Variants in CPVL observed in about 807,000 individuals in gnomAD.
CPVL encodes probable serine carboxypeptidase CPVL.
A neutral mutation model predicts 63.7 loss-of-function variants in CPVL; 51 were observed. The observed-to-expected ratio is 0.80, with a 90% confidence interval of 0.64 to 1.01. The LOEUF (loss-of-function observed/expected upper bound fraction) is 1.01. Among genes scored for constraint, CPVL ranks in the 50% least tolerant of loss-of-function variants. The pLI, the probability that CPVL is intolerant of heterozygous loss-of-function variation, is 0.00. For synonymous variants in CPVL, 195 were observed against 206.0 expected, an observed-to-expected ratio of 0.95 and a Z score of 0.46; for missense variants, 530 against 573.1, an observed-to-expected ratio of 0.92 and a Z score of 0.77.
intron 1 of CPVL, among the ~76,000 whole-genome samples, chr7:29,142,657 T>C (rs7777627): frequency 0.36 from 54,894 of 151,156 alleles, 10,027 homozygotes; most frequent in Non-Finnish European, 0.38. Flanking sequence ...TCCTGAGTAG[T>C]TGGGATTACA....
chr7:29,074,702 A>G lies in CPVL; in HGVS notation c.610-2279T>C, dbSNP rs368178320. Among the ~76,000 whole-genome samples the G allele has an allele frequency of 1.4e-3, 214 of 151,502 alleles. 1 individual carries two copies. The highest frequency in any genetic ancestry group is 4.1e-3 in the African/African-American group (171 of 41,224). ...TTCTCACGAGAGCTGATGGTTTTAA[A>G]AGAGCCAGTTTCCCCTGCCCATGCT... On this transcript the variant is annotated intron_variant, in intron 7 of 12. Coordinates refer to ENST00000265394, the MANE Select transcript of CPVL (RefSeq NM_031311.5).
chr7:29,092,891 C>T (rs11765043), intron 5 of CPVL, among the ~76,000 whole-genome samples, 189 bp from the exon 6 acceptor site: 29,537 of 152,012 alleles, frequency 0.19, 3,071 homozygotes, highest in East Asian at 0.37. Context: ...ATTCTCTCCA[C>T]CCCCTAAAGC....
chr7:29,141,221 G>C (rs937549172), intron 1 of CPVL, among the ~76,000 whole-genome samples: 69 of 152,348 alleles, frequency 4.5e-4, no homozygotes, highest in East Asian at 3.9e-4. Flanking sequence ...ATATAGGAAG[G>C]CAATGCAGTC....
chr7:29,176,465 A>AT (rs1272859056), intron 5 of CPVL, among the ~76,000 whole-genome samples: 1 of 152,206 alleles, frequency 6.6e-6, no homozygotes, highest in Non-Finnish European at 1.5e-5. Flanking sequence ...CATTAGCAGT[A>AT]TGTCTCTTCA....
chr7:29,013,795 G>A (rs990919437), intron 12 of CPVL, among the ~76,000 whole-genome samples: 3 of 152,244 alleles, frequency 2.0e-5, no homozygotes, highest in Non-Finnish European at 4.4e-5. Flanking sequence ...CTCCTTCGGG[G>A]TCTGCCTCAG....
chr7:29,142,231 AG>A, intron 1 of CPVL, among the ~76,000 whole-genome samples: 2 of 152,326 alleles, frequency 1.3e-5, no homozygotes, highest in East Asian at 3.9e-4. Context: ...AAATACTAAC[AG>A]ATCATTGAAC....
chr7:29,050,149 C>A (rs775341566), intron 11 of CPVL, among the ~76,000 whole-genome samples: 10 of 152,084 alleles, frequency 6.6e-5, no homozygotes, highest in Non-Finnish European at 1.2e-4. Flanking sequence ...GAAGTCCTAG[C>A]CAGATCAATC....
At chr7:29,106,725 T>C (rs1355971423) in intron 3 of CPVL, among the ~76,000 whole-genome samples, 2 of 152,128 alleles carry the variant, frequency 1.3e-5, no homozygotes, top group African/African-American at 2.4e-5. Flanking sequence ...CCACTCCTTA[T>C]GTCCTCATCC....
chr7:29,134,957 G>T (rs1410665398), intron 1 of CPVL, among the ~76,000 whole-genome samples: 1 of 151,884 alleles, frequency 6.6e-6, no homozygotes, highest in Non-Finnish European at 1.5e-5. Flanking sequence ...TAAAAAATTA[G>T]CCAGACATGG....
chr7:29,028,304 G>A (rs774413034), intron 12 of CPVL, among the ~76,000 whole-genome samples: 1 of 152,100 alleles, frequency 6.6e-6, no homozygotes, highest in Middle Eastern at 3.4e-3. Context: ...GCTCAAAAAC[G>A]AAACCCCTAT....
At chr7:29,049,600 A>T (rs966588836) in intron 11 of CPVL, among the ~76,000 whole-genome samples, 2 of 152,166 alleles carry the variant, frequency 1.3e-5, no homozygotes, top group Non-Finnish European at 2.9e-5. Flanking sequence ...AGAAGAATTG[A>T]TACCAATCCT....
intron 3 of CPVL, among the ~76,000 whole-genome samples, chr7:29,105,662 A>AT (rs1221585231): frequency 2.0e-5 from 3 of 151,970 alleles, no homozygotes; most frequent in Non-Finnish European, 4.4e-5. Context: ...TATTTAATTT[A>AT]TTTTTTTACT....
At chr7:29,138,554 T>C (rs556938373) in intron 1 of CPVL, among the ~76,000 whole-genome samples, 19 of 152,282 alleles carry the variant, frequency 1.2e-4, no homozygotes, top group Admixed American at 6.5e-4. Flanking sequence ...GTGACTTAGA[T>C]GGCTGGGTGG....
chr7:29,095,512 C>T (rs930951814), intron 4 of CPVL, among the ~76,000 whole-genome samples: 1 of 151,506 alleles, frequency 6.6e-6, no homozygotes, highest in Admixed American at 6.6e-5. Context: ...ACTACTTCAA[C>T]AAAACTGGCA....
intron 11 of CPVL, among the ~76,000 whole-genome samples, chr7:29,061,926 A>G (rs1782639845): frequency 6.7e-6 from 1 of 149,280 alleles, no homozygotes; most frequent in Admixed American, 6.6e-5. Context: ...CTGGGCAACA[A>G]GAGCAAAACT....
chr7:29,118,844 G>A (rs1173880362), intron 2 of CPVL, among the ~76,000 whole-genome samples: 8 of 152,102 alleles, frequency 5.3e-5, no homozygotes, highest in African/African-American at 1.9e-4. Context: ...CAGCTTCACA[G>A]GCACCATCTC....
At chr7:29,171,573 T>G (rs992732491) in intron 5 of CPVL, among the ~76,000 whole-genome samples, 1 of 152,184 alleles carries the variant, frequency 6.6e-6, no homozygotes, top group African/African-American at 2.4e-5. Flanking sequence ...TCAGAGACTT[T>G]TAACGTGGAC....
chr7:29,086,431 A>G, intron 7 of CPVL, 53 bp downstream of exon 7: 1 of 1,221,874 alleles, frequency 8.2e-7, no homozygotes, highest in Non-Finnish European at 1.2e-6. Context: ...CTCATAATAT[A>G]TGTCAGTTCT....
At chr7:29,136,424 A>G (rs1448692395) in intron 1 of CPVL, among the ~76,000 whole-genome samples, 1 of 152,246 alleles carries the variant, frequency 6.6e-6, no homozygotes, top group African/African-American at 2.4e-5. Flanking sequence ...GCAAAAGAGA[A>G]AATTATATCA....
Sources: allele counts gnomAD v4.1 joint callset (sites outside exome capture counted in the v4.1 genomes callset), GRCh38; gene constraint gnomAD v4.1.1; transcripts MANE v1.5; gene names NCBI Gene and HGNC (gene_info 2026-07-23, HGNC 2026-07-21).